The following SHTN1 variants were observed in gnomAD, a reference collection of about 807,000 sequenced individuals.
SHTN1 encodes shootin-1.
A neutral mutation model predicts 83.1 loss-of-function variants in SHTN1; 42 were observed. That is an observed-to-expected ratio of 0.51 (90% confidence interval 0.39 to 0.65). The LOEUF (loss-of-function observed/expected upper bound fraction) is 0.65. SHTN1 is among the 30% of genes least tolerant of loss of function. The pLI is 0.00. For synonymous variants in SHTN1, 224 were observed against 247.7 expected (o/e 0.90, Z 0.90); for missense variants, 622 against 737.8 (o/e 0.84, Z 1.82).
intron 2 of SHTN1, among the ~76,000 whole-genome samples, chr10:117,045,682 C>A (rs2133584052): frequency 6.6e-6 from 1 of 152,258 alleles, no homozygotes; most frequent in South Asian, 2.1e-4. Flanking sequence ...TACCTCAATT[C>A]CTTTTACTCA....
chr10:116,952,352 A>G (rs1396868286), intron 5 of SHTN1, among the ~76,000 whole-genome samples: 1 of 152,190 alleles, frequency 6.6e-6, no homozygotes, highest in Non-Finnish European at 1.5e-5. Flanking sequence ...GTGTAGTACT[A>G]ATTTCTTTTT....
intron 11 of SHTN1, among the ~76,000 whole-genome samples, chr10:116,924,627 G>A (rs1206373579): frequency 6.6e-6 from 1 of 152,072 alleles, no homozygotes; most frequent in East Asian, 1.9e-4. Flanking sequence ...AGACCTCTGG[G>A]ACCCATACTC....
intron 1 of SHTN1, among the ~76,000 whole-genome samples, chr10:117,104,130 C>G (rs1564960506): frequency 6.6e-6 from 1 of 152,190 alleles, no homozygotes; most frequent in Non-Finnish European, 1.5e-5. Flanking sequence ...CCATTTTTAG[C>G]ATGATTTTTT....
At chr10:117,109,646 C>A (rs1441922802) in intron 1 of SHTN1, among the ~76,000 whole-genome samples, 1 of 130,168 alleles carries the variant, frequency 7.7e-6, no homozygotes, top group Admixed American at 9.2e-5. Flanking sequence ...CTCACTGCAA[C>A]CTCTGCCTCC....
intron 16 of SHTN1, chr10:116,901,477 G>C (rs1847733153): frequency 2.0e-6 from 2 of 985,010 alleles, no homozygotes; most frequent in Non-Finnish European, 2.4e-6. Flanking sequence ...ATTGTCTCCT[G>C]ACGCAGAGTC....
chr10:117,090,796 A>C (rs999274269), intron 1 of SHTN1, among the ~76,000 whole-genome samples: 8 of 133,446 alleles, frequency 6.0e-5, no homozygotes, highest in Non-Finnish European at 1.3e-4. Context: ...GAAGGAAGGA[A>C]GGAAGGAAGG....
intron 1 of SHTN1, among the ~76,000 whole-genome samples, chr10:116,993,596 GT>G (rs1819939748): frequency 6.6e-6 from 1 of 152,088 alleles, no homozygotes; most frequent in Non-Finnish European, 1.5e-5. Context: ...TGCTTGGGTA[GT>G]AACTGCCTAA....
intron 1 of SHTN1, among the ~76,000 whole-genome samples, chr10:117,004,172 C>G (rs576096736): frequency 6.6e-6 from 1 of 152,208 alleles, no homozygotes. Context: ...CAGGCGTGAG[C>G]CACCGCACCC....
intron 13 of SHTN1, among the ~76,000 whole-genome samples, chr10:116,914,220 T>G (rs573651975): frequency 6.6e-6 from 1 of 152,256 alleles, no homozygotes; most frequent in African/African-American, 2.4e-5. Context: ...ATGCCTGTAA[T>G]CCCAACACTT....
In SHTN1 at chr10:117,090,500, A is replaced by C. The variant is rs571971191; in HGVS notation, c.-189+35807T>G. On this transcript the variant is annotated intron_variant, in intron 1 of 17. Transcript: ENST00000392901. ...ATTAGCTTCACAATAATGTGAATAC[A>C]CTTAACACTACTAAACTGTACACTT... 2.0e-5 allele frequency among the ~76,000 whole-genome samples: 3 copies of C among 152,322 alleles called. No individual in the cohort carries two copies. The South Asian group carries it at 6.2e-4, about 32-fold the overall frequency.
intron 1 of SHTN1, among the ~76,000 whole-genome samples, chr10:117,095,172 T>C (rs1853487643): frequency 1.3e-5 from 2 of 152,180 alleles, no homozygotes; most frequent in African/African-American, 4.8e-5. Flanking sequence ...GCAGGGTGCA[T>C]CCACTATGCT....
chr10:117,107,493 G>C (rs769950847), intron 1 of SHTN1, among the ~76,000 whole-genome samples: 2 of 152,100 alleles, frequency 1.3e-5, no homozygotes, highest in Non-Finnish European at 2.9e-5. Flanking sequence ...TTGTCAACAA[G>C]AGCAATCCTG....
chr10:117,002,939 C>T (rs1050868482), intron 1 of SHTN1, among the ~76,000 whole-genome samples: 2 of 152,142 alleles, frequency 1.3e-5, no homozygotes, highest in African/African-American at 2.4e-5. Flanking sequence ...TTTTCCAATA[C>T]AATGCAATAG....
intron 1 of SHTN1, among the ~76,000 whole-genome samples, chr10:117,099,422 T>C (rs1252188190): frequency 2.0e-5 from 3 of 152,138 alleles, no homozygotes; most frequent in Non-Finnish European, 4.4e-5. Flanking sequence ...GAATATAAAA[T>C]CTCATTTAGA....
chr10:117,097,315 A>G (rs1853518316), intron 1 of SHTN1, among the ~76,000 whole-genome samples: 1 of 152,242 alleles, frequency 6.6e-6, no homozygotes, highest in South Asian at 2.1e-4. Context: ...TATAGCATCT[A>G]TCTCAATGAC....
At chr10:117,085,242 T>C (rs1294353558) in intron 1 of SHTN1, among the ~76,000 whole-genome samples, 1 of 152,194 alleles carries the variant, frequency 6.6e-6, no homozygotes, top group Non-Finnish European at 1.5e-5. Flanking sequence ...CATTATCGAT[T>C]TTGGACCTTC....
At chr10:116,963,196 C>A (rs988412097) in intron 3 of SHTN1, among the ~76,000 whole-genome samples, 1 of 148,854 alleles carries the variant, frequency 6.7e-6, no homozygotes, top group Non-Finnish European at 1.5e-5. Context: ...CTCAGCCTCC[C>A]GAGTAGCTGG....
At chr10:117,075,435 G>T (rs1440709462) in intron 1 of SHTN1, among the ~76,000 whole-genome samples, 1 of 152,156 alleles carries the variant, frequency 6.6e-6, no homozygotes, top group South Asian at 2.1e-4. Context: ...TAAATACCGG[G>T]CAAATTCTTA....
intron 1 of SHTN1, among the ~76,000 whole-genome samples, chr10:117,121,347 G>A (rs1393111843): frequency 6.6e-6 from 1 of 152,116 alleles, no homozygotes; most frequent in East Asian, 1.9e-4. Flanking sequence ...GGAGGCCGAG[G>A]TGGGAGGATT....
Sources: gnomAD v4.1 joint callset for allele counts (sites outside exome capture counted in the v4.1 genomes callset) on GRCh38, gnomAD v4.1.1 for gene constraint, MANE v1.5 for transcripts, NCBI Gene and HGNC (gene_info 2026-07-23, HGNC 2026-07-21) for gene names.